The following SUSD6 variants were observed in gnomAD, a reference collection of about 807,000 sequenced individuals.
SUSD6 encodes the protein sushi domain containing 6, also known as sushi domain-containing protein 6.
SUSD6 carries 16 observed loss-of-function variants against 28.4 expected under a neutral mutation model. The ratio of observed to expected loss-of-function variants is 0.56; its 90% CI spans 0.38 to 0.86. The LOEUF (loss-of-function observed/expected upper bound fraction) is 0.86, where lower values mean the gene tolerates loss of function less well. Ranked by LOEUF, SUSD6 falls within the 40% of genes least tolerant of loss-of-function variation. The pLI is 0.00. For missense variants in SUSD6, 341 were observed against 384.2 expected (o/e 0.89, Z 0.94); for synonymous variants, 147 against 159.6 (o/e 0.92, Z 0.59).
Position 69,701,098 on chromosome 14 carries a change from AT to A in SUSD6, c.122-2292del, listed in dbSNP as rs200709264. On this transcript the variant is annotated intron_variant, in intron 2 of 5. Transcript: ENST00000342745. ...GGCAAGAAGGACCTGAGGTGCTTAT[AT>A]TTTTGTCCTTTTTCAGAGCATAGCA... 3.9e-4 allele frequency among the ~76,000 whole-genome samples: 59 copies of A among 152,084 alleles called. No homozygotes were observed. The East Asian group carries it at 0.011, about 29-fold the overall frequency.
At chr14:69,644,655 AT>A (rs1224560431) in intron 1 of SUSD6, among the ~76,000 whole-genome samples, 66 of 151,882 alleles carry the variant, frequency 4.3e-4, no homozygotes, top group Non-Finnish European at 8.5e-4. Flanking sequence ...AAAAAAAAAA[AT>A]TAATTATTTC....
chr14:69,691,362 G>C (rs1001127482), intron 2 of SUSD6, among the ~76,000 whole-genome samples: 1 of 152,038 alleles, frequency 6.6e-6, no homozygotes, highest in African/African-American at 2.4e-5. Context: ...AAACAACAGC[G>C]ACAAAAAACC....
chr14:69,645,650 T>G (rs1225214836), intron 1 of SUSD6, among the ~76,000 whole-genome samples: 1 of 152,188 alleles, frequency 6.6e-6, no homozygotes, highest in East Asian at 1.9e-4. Flanking sequence ...AAGGTATACC[T>G]TATAAGACAC....
chr14:69,656,163 C>A (rs1189223316), intron 1 of SUSD6, among the ~76,000 whole-genome samples: 1 of 150,994 alleles, frequency 6.6e-6, no homozygotes, highest in Non-Finnish European at 1.5e-5. Flanking sequence ...TCCATTCTTC[C>A]CTCCCTCCCT....
At chr14:69,626,804 T>C (rs763470371) in intron 1 of SUSD6, among the ~76,000 whole-genome samples, 5 of 151,660 alleles carry the variant, frequency 3.3e-5, no homozygotes, top group Admixed American at 6.6e-5. Flanking sequence ...CAGCTCAGCC[T>C]CCTAAGCAGC....
At chr14:69,685,284 G>T (rs1282387689) in intron 2 of SUSD6, among the ~76,000 whole-genome samples, 2 of 152,344 alleles carry the variant, frequency 1.3e-5, no homozygotes, top group Non-Finnish European at 2.9e-5. Flanking sequence ...GAGGCACATT[G>T]ATTGTTTCCC....
intron 1 of SUSD6, among the ~76,000 whole-genome samples, chr14:69,640,267 C>T (rs1260668028): frequency 6.6e-6 from 1 of 151,730 alleles, no homozygotes; most frequent in African/African-American, 2.4e-5. Context: ...CTATCATTCA[C>T]TTACTCCTTA....
intron 1 of SUSD6, among the ~76,000 whole-genome samples, 186 bp from the exon 2 acceptor site, chr14:69,658,327 G>A (rs1172522778): frequency 2.6e-5 from 4 of 152,202 alleles, no homozygotes; most frequent in African/African-American, 9.7e-5. Flanking sequence ...CACGCTGCAG[G>A]CCTTGTTTCC....
Position 69,687,123 on chromosome 14 carries a change from C to T in SUSD6, c.122-16272C>T, listed in dbSNP as rs894391782. Among the ~76,000 whole-genome samples the T allele has an allele frequency of 5.3e-5, 8 of 151,940 alleles. No individual in the cohort carries two copies. The East Asian group carries it at 7.7e-4, about 15-fold the overall frequency. Reference sequence around the variant, plus strand: ...CCGAGTAGCTGGGATTACAGGCACCCGCCACCACACCTGGCTAATTTTTGT... The same window carrying T: ...CCGAGTAGCTGGGATTACAGGCACCTGCCACCACACCTGGCTAATTTTTGT... On this transcript the variant is annotated intron_variant, in intron 2 of 5. Coordinates refer to ENST00000342745, the MANE Select transcript of SUSD6 (RefSeq NM_014734.4).
chr14:69,665,932 T>A (rs1885733186), intron 2 of SUSD6, among the ~76,000 whole-genome samples: 1 of 152,222 alleles, frequency 6.6e-6, no homozygotes, highest in Admixed American at 6.5e-5. Flanking sequence ...GAGGATCAAA[T>A]AAGATAGTAT....
chr14:69,630,424 C>T (rs1351945589), intron 1 of SUSD6, among the ~76,000 whole-genome samples: 1 of 152,174 alleles, frequency 6.6e-6, no homozygotes, highest in Non-Finnish European at 1.5e-5. Flanking sequence ...TTCTGCACAA[C>T]TTAATTAAAT....
At position 69,637,451 on chromosome 14, in the gene SUSD6, C is replaced by T. The variant is rs112780972; in HGVS notation, c.-80-21062C>T. On this transcript the variant is annotated intron_variant, in intron 1 of 5. Transcript: ENST00000342745. ...AGCAAATGTTGAAGGAATGAATGTC[C>T]CCCCCTAACCAGGGTCAGCATACCC... 3.3e-3 allele frequency among the ~76,000 whole-genome samples: 501 copies of T among 152,202 alleles called. 1 individual carries two copies. The highest frequency in any genetic ancestry group is 0.012 in the African/African-American group (482 of 41,520).
At chr14:69,689,946 C>T (rs1167471973) in intron 2 of SUSD6, among the ~76,000 whole-genome samples, 1 of 152,160 alleles carries the variant, frequency 6.6e-6, no homozygotes, top group Non-Finnish European at 1.5e-5. Context: ...GATTACAGGC[C>T]TAAGACACCA....
chr14:69,614,552 A>G (rs1158929522), intron 1 of SUSD6, among the ~76,000 whole-genome samples: 1 of 152,202 alleles, frequency 6.6e-6, no homozygotes, highest in Non-Finnish European at 1.5e-5. Flanking sequence ...GCTACTAAGC[A>G]TTGTTTCACT....
rs955285646 is a variant in SUSD6 at position 69,713,844 on chromosome 14, T to C, written c.*2865T>C. ...GTTTGTTGTTGGTGTTTGTTTTTTT[T>C]TTTTTTTTTTTGGCACACTTGAGCT... On this transcript the variant is annotated 3_prime_UTR_variant, in exon 6 of 6. Transcript: ENST00000342745. The C allele has an allele frequency of 6.0e-5, 9 of 150,912 alleles. No homozygotes were observed. The highest frequency in any genetic ancestry group is 1.3e-4 in the Non-Finnish European group (9 of 67,630). The allele number at this position is 150,912 out of a possible 1,614,324, so 9.3% of individuals were successfully genotyped here.
At chr14:69,707,384 G>A (rs1048984201) in intron 4 of SUSD6, among the ~76,000 whole-genome samples, 18 of 152,156 alleles carry the variant, frequency 1.2e-4, no homozygotes, top group African/African-American at 3.9e-4. Context: ...AGCCTCACAC[G>A]TATGATGTTG....
At chr14:69,660,472 G>A (rs1307579873) in intron 2 of SUSD6, among the ~76,000 whole-genome samples, 1 of 152,206 alleles carries the variant, frequency 6.6e-6, no homozygotes, top group Non-Finnish European at 1.5e-5. Flanking sequence ...GTTATATGAG[G>A]TTTCAAAGGA....
At position 69,711,166 on chromosome 14, in the gene SUSD6, C is replaced by T; in HGVS notation, c.*187C>T. On this transcript the variant is annotated 3_prime_UTR_variant, in exon 6 of 6. Transcript: ENST00000342745. Reference sequence around the variant, plus strand: ...GAAACTCAAGGAAGATTCTCGCCATCTGCCTGTTGGACAGCTGGAGGAGCT... The same window carrying T: ...GAAACTCAAGGAAGATTCTCGCCATTTGCCTGTTGGACAGCTGGAGGAGCT... 1.7e-6 allele frequency: 1 copy of T among 603,716 alleles called. No individual in the cohort carries two copies. The highest frequency in any genetic ancestry group is 2.9e-6 in the Non-Finnish European group (1 of 339,696). The allele number at this position is 603,716 out of a possible 1,614,324, so 37.4% of individuals were successfully genotyped here.
chr14:69,640,773 T>C (rs1294749389), intron 1 of SUSD6, among the ~76,000 whole-genome samples: 2 of 152,250 alleles, frequency 1.3e-5, no homozygotes, highest in Non-Finnish European at 2.9e-5. Flanking sequence ...TCTAACTTGA[T>C]TTTATTCTGA....
Sources: gnomAD v4.1 joint callset for allele counts (sites outside exome capture counted in the v4.1 genomes callset) on GRCh38, gnomAD v4.1.1 for gene constraint, MANE v1.5 for transcripts, NCBI Gene and HGNC (gene_info 2026-07-23, HGNC 2026-07-21) for gene names.